CSMD1: variants seen among roughly 807,000 people sequenced by gnomAD.
The protein encoded by CSMD1 is CUB and Sushi multiple domains 1, also known as CUB and sushi domain-containing protein 1.
Under a neutral mutation model 417.5 loss-of-function variants are expected in CSMD1, and 213 were observed. The observed-to-expected ratio is 0.51, with a 90% CI of 0.46 to 0.57. The LOEUF is 0.57. CSMD1 is among the 20% of genes least tolerant of loss of function. The probability of loss-of-function intolerance (pLI) is 0.00; values close to 1 mark genes in which losing one functional copy is unlikely to be tolerated. For missense variants in CSMD1, 6,923 were observed against 4,529.7 expected, an observed-to-expected ratio of 1.53 and a Z score of -15.17; for synonymous variants, 2,862 against 1,736.8, an observed-to-expected ratio of 1.65 and a Z score of -16.11.
chr8:4,731,521 T>C (rs1809864821), intron 1 of CSMD1, among the ~76,000 whole-genome samples: 1 of 152,228 alleles, frequency 6.6e-6, no homozygotes, highest in Non-Finnish European at 1.5e-5. Flanking sequence ...TAACTTTCCA[T>C]TTATCTATTT....
At chr8:4,396,688 C>T (rs1055743949) in intron 3 of CSMD1, among the ~76,000 whole-genome samples, 45 of 151,998 alleles carry the variant, frequency 3.0e-4, no homozygotes, top group African/African-American at 1.1e-3. Context: ...CAATGGAATA[C>T]CGATCAGCCA....
At chr8:3,503,198 A>T (rs1796680138) in intron 10 of CSMD1, among the ~76,000 whole-genome samples, 1 of 152,236 alleles carries the variant, frequency 6.6e-6, no homozygotes, top group African/African-American at 2.4e-5. Context: ...ACACACCCAC[A>T]CACAAAGAAA....
chr8:4,430,610 A>G (rs1276839863), intron 2 of CSMD1, among the ~76,000 whole-genome samples: 1 of 152,158 alleles, frequency 6.6e-6, no homozygotes, highest in East Asian at 1.9e-4. Flanking sequence ...CAAGTTTGTC[A>G]AGAATTCAAC....
chr8:4,265,307 A>G (rs980742997), intron 3 of CSMD1, among the ~76,000 whole-genome samples: 3 of 152,064 alleles, frequency 2.0e-5, no homozygotes, highest in Non-Finnish European at 2.9e-5. Context: ...TTAAAAACAT[A>G]TACGTTAGGG....
intron 2 of CSMD1, among the ~76,000 whole-genome samples, chr8:4,425,059 G>A (rs997003859): frequency 6.6e-6 from 1 of 151,992 alleles, no homozygotes; most frequent in Non-Finnish European, 1.5e-5. Context: ...GGATAATTTA[G>A]TAATTGCCCA....
chr8:4,205,984 T>C (rs1369215481), intron 3 of CSMD1, among the ~76,000 whole-genome samples: 8 of 152,118 alleles, frequency 5.3e-5, no homozygotes, highest in African/African-American at 1.9e-4. Flanking sequence ...TTCTCTCTAC[T>C]TCAGGAATTT....
chr8:4,603,889 A>G (rs1800726900), intron 2 of CSMD1, among the ~76,000 whole-genome samples: 1 of 152,168 alleles, frequency 6.6e-6, no homozygotes, highest in Non-Finnish European at 1.5e-5. Context: ...TTTTAATTTT[A>G]TAAGTATTAC....
At chr8:3,491,857 C>G (rs746392142) in intron 11 of CSMD1, among the ~76,000 whole-genome samples, 9 of 152,172 alleles carry the variant, frequency 5.9e-5, no homozygotes, top group Non-Finnish European at 1.2e-4. Flanking sequence ...GGCGGGTACC[C>G]CGAGTCCAGC....
At chr8:4,190,639 T>G (rs1392806990) in intron 3 of CSMD1, among the ~76,000 whole-genome samples, 2 of 152,048 alleles carry the variant, frequency 1.3e-5, no homozygotes, top group Non-Finnish European at 2.9e-5. Context: ...ATAATATTAG[T>G]GTTGTAATGA....
intron 36 of CSMD1, among the ~76,000 whole-genome samples, chr8:3,186,392 A>T (rs150557559): frequency 6.6e-6 from 1 of 152,204 alleles, no homozygotes; most frequent in African/African-American, 2.4e-5. Context: ...AAGTTCCTAA[A>T]AGTATAAATA....
intron 65 of CSMD1, among the ~76,000 whole-genome samples, chr8:2,952,791 AG>A (rs1203763655): frequency 6.6e-6 from 1 of 152,208 alleles, no homozygotes; most frequent in Non-Finnish European, 1.5e-5. Flanking sequence ...GGAATGGGCC[AG>A]GCCTGGCTGG....
chr8:4,958,305 A>G (rs1809256044), intron 1 of CSMD1, among the ~76,000 whole-genome samples: 1 of 152,156 alleles, frequency 6.6e-6, no homozygotes, highest in South Asian at 2.1e-4. Flanking sequence ...TTTTTTTTTA[A>G]CTTTTACAAA....
chr8:4,068,867 A>G (rs1261477176), intron 3 of CSMD1, among the ~76,000 whole-genome samples: 1 of 152,220 alleles, frequency 6.6e-6, no homozygotes, highest in Non-Finnish European at 1.5e-5. Flanking sequence ...CCATCTAGTT[A>G]GGCACTGCAT....
intron 3 of CSMD1, among the ~76,000 whole-genome samples, chr8:4,035,606 G>A (rs557565306): frequency 3.3e-5 from 5 of 152,192 alleles, no homozygotes; most frequent in African/African-American, 1.2e-4. Flanking sequence ...AATGAATACA[G>A]TTTAAAAAGT....
intron 47 of CSMD1, among the ~76,000 whole-genome samples, chr8:3,093,042 T>C (rs1815057477): frequency 6.6e-6 from 1 of 152,124 alleles, no homozygotes; most frequent in Non-Finnish European, 1.5e-5. Flanking sequence ...GTTCTCATGA[T>C]TTTTTTCAAG....
At chr8:3,294,078 T>C (rs1442951690) in intron 25 of CSMD1, among the ~76,000 whole-genome samples, 1 of 152,206 alleles carries the variant, frequency 6.6e-6, no homozygotes, top group Non-Finnish European at 1.5e-5. Context: ...TGTTGGAGTT[T>C]GCTGGAGGTG....
At chr8:4,811,600 T>C (rs917702069) in intron 1 of CSMD1, among the ~76,000 whole-genome samples, 26 of 152,264 alleles carry the variant, frequency 1.7e-4, no homozygotes, top group East Asian at 1.5e-3. Context: ...ATAATTAAAA[T>C]GTCTTATAAC....
intron 9 of CSMD1, among the ~76,000 whole-genome samples, chr8:3,575,604 C>T (rs1585395227): frequency 6.6e-6 from 1 of 152,244 alleles, no homozygotes; most frequent in African/African-American, 2.4e-5. Context: ...AAGTCACTTT[C>T]GAGCTTTAGA....
Position 3,633,755 on chromosome 8 carries a change from C to T in CSMD1, c.1010-16958G>A, listed in dbSNP as rs548383814. ...GTAAACACTGATTTCCCTTCAGCAACCCCATAGGCATTGCTTTATAATCAG... is the reference window on the plus strand; with the variant it reads ...GTAAACACTGATTTCCCTTCAGCAATCCCATAGGCATTGCTTTATAATCAG... On this transcript the variant is annotated intron_variant, in intron 7 of 69. Coordinates refer to ENST00000635120, the MANE Select transcript of CSMD1 (RefSeq NM_033225.6). Among the ~76,000 whole-genome samples, 11 of 152,210 alleles carry T rather than the reference C, an allele frequency of 7.2e-5. No individual in the cohort carries two copies. The South Asian group carries it at 2.1e-3, about 29-fold the overall frequency.
Sources: gnomAD v4.1 joint callset for allele counts (sites outside exome capture counted in the v4.1 genomes callset) on GRCh38, gnomAD v4.1.1 for gene constraint, MANE v1.5 for transcripts, NCBI Gene and HGNC (gene_info 2026-07-23, HGNC 2026-07-21) for gene names.